The following DLG2 variants were observed in gnomAD, a reference collection of about 807,000 sequenced individuals.
The protein encoded by DLG2 is disks large homolog 2.
Under a neutral mutation model 132.5 loss-of-function variants are expected in DLG2, and 45 were observed. That is an observed-to-expected ratio of 0.34 (90% CI 0.27 to 0.44). DLG2 has a LOEUF of 0.44. Ranked by LOEUF, DLG2 falls within the 20% of genes least tolerant of loss-of-function variation. DLG2 has a pLI of 1.00. For missense variants in DLG2, 1,045 were observed against 1,196.9 expected (o/e 0.87, Z 1.87); for synonymous variants, 424 against 419.6 (o/e 1.01, Z -0.13).
chr11:84,420,691 C>T (rs1445118725), intron 7 of DLG2, among the ~76,000 whole-genome samples: 2 of 25,706 alleles, frequency 7.8e-5, no homozygotes, highest in Non-Finnish European at 2.3e-4. Flanking sequence ...TTTTTTGAGA[C>T]GGAGTCTTGC....
chr11:83,673,060 T>C (rs749062408), intron 18 of DLG2, among the ~76,000 whole-genome samples: 7 of 152,094 alleles, frequency 4.6e-5, no homozygotes, highest in Non-Finnish European at 8.8e-5. Flanking sequence ...AGCAAGGCTG[T>C]CTCAAAAACA....
intron 3 of DLG2, among the ~76,000 whole-genome samples, chr11:85,535,525 T>C (rs543297978): frequency 6.6e-6 from 1 of 152,232 alleles, no homozygotes; most frequent in East Asian, 1.9e-4. Context: ...AACTCTCATG[T>C]ATTGCTGATG....
chr11:85,493,091 T>C (rs528219542), intron 3 of DLG2, among the ~76,000 whole-genome samples: 2 of 152,256 alleles, frequency 1.3e-5, no homozygotes, highest in East Asian at 3.9e-4. Flanking sequence ...TAAAAATATG[T>C]TGAAATAACC....
intron 15 of DLG2, among the ~76,000 whole-genome samples, chr11:83,918,878 C>T (rs1303227532): frequency 6.6e-6 from 1 of 152,104 alleles, no homozygotes; most frequent in African/African-American, 2.4e-5. Context: ...TTGAAGGCTT[C>T]TCATCTTGCC....
At chr11:84,670,685 A>T (rs995900060) in intron 6 of DLG2, among the ~76,000 whole-genome samples, 1 of 152,184 alleles carries the variant, frequency 6.6e-6, no homozygotes, top group Non-Finnish European at 1.5e-5. Flanking sequence ...ACAGATGAGG[A>T]AACAGCTTCC....
chr11:83,533,145 T>C lies in DLG2; in HGVS notation c.2118-362A>G, dbSNP rs533992289. On this transcript the variant is annotated intron_variant, in intron 20 of 27. Coordinates refer to ENST00000376104, the MANE Select transcript of DLG2 (RefSeq NM_001142699.3). ...TATTGGAGACTAAACAAGTTTCTCC[T>C]CCCCTCTCCTCTTCTCTCCTCCCTT... 3.9e-5 allele frequency among the ~76,000 whole-genome samples: 6 copies of C among 152,236 alleles called. 1 individual carries two copies. The East Asian group carries it at 1.2e-3, about 29-fold the overall frequency.
chr11:84,963,978 T>C (rs2052968213), intron 6 of DLG2, among the ~76,000 whole-genome samples: 1 of 152,148 alleles, frequency 6.6e-6, no homozygotes, highest in South Asian at 2.1e-4. Flanking sequence ...TAAGGTGCAT[T>C]AATTAAAATA....
At chr11:84,874,390 A>G (rs2085980637) in intron 6 of DLG2, among the ~76,000 whole-genome samples, 2 of 152,188 alleles carry the variant, frequency 1.3e-5, no homozygotes, top group Admixed American at 1.3e-4. Flanking sequence ...GCTTGATAAT[A>G]TTCAAGGAAC....
intron 6 of DLG2, among the ~76,000 whole-genome samples, chr11:84,719,808 C>T (rs921247420): frequency 6.6e-6 from 1 of 152,088 alleles, no homozygotes; most frequent in South Asian, 2.1e-4. Flanking sequence ...AGCCTAGCTC[C>T]AGATTTTCTG....
chr11:84,502,206 CCTTCCT>C (rs1567803225), intron 7 of DLG2, among the ~76,000 whole-genome samples: 1,535 of 21,266 alleles, frequency 0.072, 474 homozygotes, highest in East Asian at 0.092. Context: ...CTCTCTCCTT[CCTTCCT>C]TCCTTCCTTC....
chr11:84,109,963 C>A lies in DLG2; in HGVS notation c.625-10916G>T, dbSNP rs533326233. ...TTGATTCTACCCCTGAAATACCCCT[C>A]AAATCCATCCAGCTCCTCTCGACTT... On this transcript the variant is annotated intron_variant, in intron 9 of 27. Transcript: ENST00000376104. Among the ~76,000 whole-genome samples the A allele has an allele frequency of 3.9e-5, 6 of 152,324 alleles. No individual in the cohort carries two copies. The East Asian group carries it at 7.7e-4, about 20-fold the overall frequency.
chr11:84,227,072 C>G (rs7929400), intron 8 of DLG2, among the ~76,000 whole-genome samples: 148,498 of 151,944 alleles, frequency 0.98, 72,566 homozygotes, highest in East Asian at 1. Context: ...GCAACAGAGC[C>G]AGGCTCCATC....
intron 7 of DLG2, among the ~76,000 whole-genome samples, chr11:84,299,918 A>T (rs1393550242): frequency 6.6e-6 from 1 of 152,138 alleles, no homozygotes; most frequent in Non-Finnish European, 1.5e-5. Context: ...AGCTTTGATG[A>T]GAAGAGTCAA....
intron 17 of DLG2, among the ~76,000 whole-genome samples, chr11:83,802,378 G>C (rs2044659214): frequency 1.3e-5 from 2 of 152,114 alleles, no homozygotes; most frequent in African/African-American, 4.8e-5. Flanking sequence ...GATGAGATGT[G>C]TGTGTGCTGC....
At chr11:83,757,765 C>G (rs1353076535) in intron 18 of DLG2, among the ~76,000 whole-genome samples, 1 of 152,054 alleles carries the variant, frequency 6.6e-6, no homozygotes, top group Middle Eastern at 3.2e-3. Context: ...ATGCACATTC[C>G]CTTTCCTCAT....
chr11:84,008,059 T>C (rs920445882), intron 11 of DLG2, among the ~76,000 whole-genome samples: 19 of 151,926 alleles, frequency 1.3e-4, no homozygotes, highest in Middle Eastern at 3.4e-3. Flanking sequence ...AATACTAGAA[T>C]ATAAAATGAG....
At chr11:84,325,819 T>C (rs1057338918) in intron 7 of DLG2, among the ~76,000 whole-genome samples, 16 of 152,298 alleles carry the variant, frequency 1.1e-4, no homozygotes, top group Admixed American at 9.2e-4. Flanking sequence ...TTGAGAAAGA[T>C]TGCCATTAAT....
chr11:84,605,039 TG>T (rs2154535329), intron 6 of DLG2, among the ~76,000 whole-genome samples: 1 of 152,054 alleles, frequency 6.6e-6, no homozygotes, highest in South Asian at 2.1e-4. Flanking sequence ...GTATTTGTTT[TG>T]GTTTGTTTTT....
At chr11:84,379,400 G>T (rs1464960829) in intron 7 of DLG2, among the ~76,000 whole-genome samples, 2 of 152,024 alleles carry the variant, frequency 1.3e-5, no homozygotes, top group Non-Finnish European at 2.9e-5. Context: ...ATTGAAAATA[G>T]CCTTTAAGGA....
Sources: gnomAD v4.1 joint callset for allele counts (sites outside exome capture counted in the v4.1 genomes callset) on GRCh38, gnomAD v4.1.1 for gene constraint, MANE v1.5 for transcripts, NCBI Gene and HGNC (gene_info 2026-07-23, HGNC 2026-07-21) for gene names.